WDR81: variants seen among roughly 807,000 people sequenced by gnomAD.
The protein encoded by WDR81 is WD repeat domain 81, also known as WD repeat-containing protein 81.
WDR81 carries 92 observed loss-of-function variants against 140.8 expected under a neutral mutation model. That is an observed-to-expected ratio of 0.65 (90% confidence interval 0.55 to 0.78). The LOEUF is 0.78. Among genes scored for constraint, WDR81 ranks in the 30% least tolerant of loss-of-function variants. WDR81 has a pLI of 0.00. For synonymous variants in WDR81, 1,183 were observed against 1,156.4 expected (o/e 1.02, Z -0.47); for missense variants, 2,502 against 2,636.4 (o/e 0.95, Z 1.12).
Position 1,725,118 on chromosome 17 carries a change from C to A in WDR81, c.159C>A (p.His53Gln). ...TGGCTCCGGCCCCGGGGGGCACCCACGTGGTGGCCCTAGTGCCTGCGCGCT... is the reference window on the plus strand; with the variant it reads ...TGGCTCCGGCCCCGGGGGGCACCCAAGTGGTGGCCCTAGTGCCTGCGCGCT... The part of the protein sequence containing the change: ...RQLAPAPGGT[H>Q]VVALVPARWL... Residue 53 changes from histidine to glutamine, a missense_variant, in exon 1 of 10, where the codon CAC (histidine) becomes CAA (glutamine). Around this residue, in one of 3 missense-constraint regions of WDR81, gnomAD observed 547 missense variants for 513.8 expected, o/e 1.06. Transcript: ENST00000409644. The A allele has an allele frequency of 6.6e-7, 1 of 1,519,478 alleles. No homozygotes were observed. Among genetic ancestry groups the A allele is most frequent in the Non-Finnish European group, 8.8e-7 (1 of 1,135,240 alleles). The allele number at this position is 1,519,478 out of a possible 1,614,324, so 94.1% of individuals were successfully genotyped here. A position where few individuals can be genotyped will look rare whatever the true frequency, so the allele number is the denominator to read the frequency against.
chr17:1,725,340 CG>C lies in WDR81; in HGVS notation c.384del (p.Ser129ProfsTer125). ...PLGGGLPFEDGSCGPETLTRF... is the reference protein window; with the variant it reads ...PLGGGLPFEDXSCGPETLTRF... ...TGGGCGGGGGCCTGCCCTTTGAGGA[CG>C]GGTCCTGCGGCCCTGAGACCCTCAC... On this transcript the variant is annotated frameshift_variant, in exon 1 of 10. Coordinates refer to ENST00000409644, the MANE Select transcript of WDR81 (RefSeq NM_001163809.2). LOFTEE classifies it high-confidence loss of function. 6.5e-7 allele frequency: 1 copy of C among 1,549,024 alleles called. No individual in the cohort carries two copies. The highest frequency in any genetic ancestry group is 8.7e-7 in the Non-Finnish European group (1 of 1,146,942).
At chr17:1,731,393 G>A in intron 4 of WDR81, 135 bp downstream of exon 4, 1 of 1,109,924 alleles carries the variant, frequency 9.0e-7, no homozygotes, top group Non-Finnish European at 1.3e-6. Flanking sequence ...CCGGCTGTGT[G>A]ACCCTGAGCA....
Position 1,732,339 on chromosome 17 carries a change from C to T in WDR81, c.4172C>T (p.Ala1391Val), listed in dbSNP as rs561882760. 42 of 1,613,254 alleles carry T rather than the reference C, an allele frequency of 2.6e-5. No individual in the cohort carries two copies. The South Asian group carries it at 4.4e-4, about 17-fold the overall frequency. The change falls in exon 5 of 10, where the codon GCC becomes GTC. Residue 1391 changes from alanine (A) to valine (V), a missense_variant. Ala to Val is a moderately conservative substitution (Grantham distance 64). Coordinates refer to ENST00000409644, the MANE Select transcript of WDR81 (RefSeq NM_001163809.2). ...TCTGTTTCCAGGTTCCCAAGTGGGG[C>T]CCAGGCTCGGACCATCCTGTGTGTG... ...TSLVTGFPSG[A>V]QARTILCVKT...
At chr17:1,716,795 C>G (rs753431054) in intron 1 of WDR81, 3 of 814,748 alleles carry the variant, frequency 3.7e-6, no homozygotes, top group Non-Finnish European at 5.8e-6. Context: ...AAAGGTGGAG[C>G]GGACCAAGGA....
In WDR81 at chr17:1,730,739, G is replaced by C. The variant is rs1915637536; in HGVS notation, c.3776-16G>C. On this transcript the variant is annotated splice_polypyrimidine_tract_variant and intron_variant, in intron 2 of 9. Coordinates refer to ENST00000409644, the MANE Select transcript of WDR81 (RefSeq NM_001163809.2). ...CCTCCACTGGCGACTCAGGGCTGCT[G>C]GCCCTTCCGTGGCAGGACCCACTCG... The C allele has an allele frequency of 6.3e-7, 1 of 1,599,076 alleles. No homozygotes were observed. Among genetic ancestry groups the C allele is most frequent in the Non-Finnish European group, 8.5e-7 (1 of 1,172,178 alleles).
Position 1,728,470 on chromosome 17 carries a change from G to C in WDR81, c.3511G>C (p.Glu1171Gln). The C allele has an allele frequency of 6.2e-7, 1 of 1,608,672 alleles. No individual in the cohort carries two copies. The highest frequency in any genetic ancestry group is 1.1e-5 in the South Asian group (1 of 90,628). The change falls in exon 1 of 10, where the codon GAG becomes CAG. Residue 1171 changes from glutamate (E) to glutamine (Q), a missense_variant. Physicochemically the swap from Glu to Gln is conservative, Grantham distance 29. Transcript: ENST00000409644. ...CGTGGTGCTAGAGGAGGAGGAGGGG[G>C]AGCAGGAGGAGGTCACCGGGGCATC... ...SCVVLEEEEG[E>Q]QEEVTGASEL...
intron 1 of WDR81, chr17:1,716,799 C>T: frequency 2.5e-6 from 2 of 792,972 alleles, no homozygotes; most frequent in Non-Finnish European, 4.0e-6. Context: ...GTGGAGCGGA[C>T]CAAGGAGCAG....
upstream of WDR81, among the ~76,000 whole-genome samples, chr17:1,721,029 C>G (rs1914835683): frequency 6.6e-6 from 1 of 152,174 alleles, no homozygotes; most frequent in African/African-American, 2.4e-5. Context: ...CCTGCTCAAT[C>G]TAGGTAAACT....
upstream of WDR81, among the ~76,000 whole-genome samples, chr17:1,722,781 C>T (rs1212059062): frequency 1.3e-5 from 2 of 151,204 alleles, no homozygotes; most frequent in African/African-American, 4.9e-5. Flanking sequence ...CAACCTCCGC[C>T]TCCCAGGTTC....
chr17:1,730,925 C>T lies in WDR81; in HGVS notation c.3946C>T (p.Leu1316=), dbSNP rs1356643111. 3.1e-6 allele frequency: 5 copies of T among 1,613,290 alleles called. No individual in the cohort carries two copies. Among genetic ancestry groups the T allele is most frequent in the East Asian group, 2.2e-5 (1 of 44,882 alleles). The change falls in exon 3 of 10, where the codon CTG becomes TTG. Residue 1316 remains leucine (L), a synonymous_variant. Coordinates refer to ENST00000409644, the MANE Select transcript of WDR81 (RefSeq NM_001163809.2). ...YGEPVLTYQY[L]PYISYLVAPG... ...GGAGCCTGTCCTCACCTACCAGTAC[C>T]TGCCCTACATCAGCTACCTGGTCAG...
chr17:1,716,780 T>C, intron 1 of WDR81: 1 of 905,334 alleles, frequency 1.1e-6, no homozygotes, highest in Non-Finnish European at 1.7e-6. Flanking sequence ...TATAGCTCTT[T>C]AAGGAAAGGT....
chr17:1,725,434 G>C lies in WDR81; in HGVS notation c.475G>C (p.Gly159Arg). 3.2e-6 allele frequency: 5 copies of C among 1,549,450 alleles called. No individual in the cohort carries two copies. Among genetic ancestry groups the C allele is most frequent in the Non-Finnish European group, 4.4e-6 (5 of 1,146,990 alleles). The part of the protein sequence containing the change: ...NLWRHAYHTY[G>R]QPYSHSPAPS... ...GTGGCGCCATGCATACCACACTTACGGCCAGCCGTACAGTCACAGCCCTGC... is the reference window on the plus strand; with the variant it reads ...GTGGCGCCATGCATACCACACTTACCGCCAGCCGTACAGTCACAGCCCTGC... Residue 159 changes from glycine to arginine, a missense_variant, in exon 1 of 10, where the codon GGC (glycine) becomes CGC (arginine). By Grantham distance (125) the Gly-to-Arg change is moderately radical (BLOSUM62 -2). Around this residue, in one of 3 missense-constraint regions of WDR81, gnomAD observed 547 missense variants for 513.8 expected, o/e 1.06. Coordinates refer to ENST00000409644, the MANE Select transcript of WDR81 (RefSeq NM_001163809.2).
chr17:1,729,486 GA>G lies in WDR81; in HGVS notation c.3667+870del, dbSNP rs149195078. The stretch of plus-strand genomic sequence containing the variant: ...CAGAGCGGGACTCCGTCTCAAAAAA[GA>G]AAAAAAAAATGGTGCTTTTACATCT... On this transcript the variant is annotated intron_variant, in intron 1 of 9. Coordinates refer to ENST00000409644, the MANE Select transcript of WDR81 (RefSeq NM_001163809.2). Among the ~76,000 whole-genome samples the G allele has an allele frequency of 1.1e-3, 165 of 147,356 alleles. 1 individual carries two copies. The highest frequency in any genetic ancestry group is 3.6e-3 in the African/African-American group (147 of 40,302).
At chr17:1,733,036 A>C in intron 6 of WDR81, 1 of 630,478 alleles carries the variant, frequency 1.6e-6, no homozygotes, top group South Asian at 2.4e-5. Flanking sequence ...AGAGGCCCAG[A>C]AGCTGGCCTG....
At position 1,726,532 on chromosome 17, in the gene WDR81, G is replaced by T. The variant is rs771173432; in HGVS notation, c.1573G>T (p.Val525Leu). The part of the protein sequence containing the change: ...PAWCSSSQEF[V>L]AAHRALLESR... ...CTGGTGCAGCTCCAGCCAGGAGTTC[G>T]TAGCTGCCCACCGAGCCCTGCTGGA... The change falls in exon 1 of 10, where the codon GTA (valine) becomes TTA (leucine). Residue 525 changes from valine (V) to leucine (L), a missense_variant. Val to Leu is a conservative substitution (Grantham distance 32). Around this residue, in one of 3 missense-constraint regions of WDR81, gnomAD observed 218 missense variants for 279.6 expected, o/e 0.78. Coordinates refer to ENST00000409644, the MANE Select transcript of WDR81 (RefSeq NM_001163809.2). The T allele has an allele frequency of 1.0e-5, 16 of 1,550,350 alleles. No homozygotes were observed. The highest frequency in any genetic ancestry group is 1.4e-5 in the Non-Finnish European group (16 of 1,146,986).
In WDR81 at chr17:1,726,562, C is replaced by G; in HGVS notation, c.1603C>G (p.Arg535Gly). 1.3e-6 allele frequency: 2 copies of G among 1,550,356 alleles called. No homozygotes were observed. Among genetic ancestry groups the G allele is most frequent in the Non-Finnish European group, 1.7e-6 (2 of 1,146,992 alleles). ...VAAHRALLES[R>G]EVSRDLHHWI... Reference sequence around the variant, plus strand: ...TGCCCACCGAGCCCTGCTGGAGAGCCGCGAGGTATCCCGGGACCTGCACCA... The same window carrying G: ...TGCCCACCGAGCCCTGCTGGAGAGCGGCGAGGTATCCCGGGACCTGCACCA... Residue 535 changes from arginine to glycine, a missense_variant, in exon 1 of 10, where the codon CGC (arginine) becomes GGC (glycine). Transcript: ENST00000409644.
chr17:1,727,394 A>G lies in WDR81; in HGVS notation c.2435A>G (p.Lys812Arg). The change falls in exon 1 of 10, where the codon AAG becomes AGG. Residue 812 changes from lysine (K) to arginine (R), a missense_variant. Transcript: ENST00000409644. ...CGAGGGCTCTGCACGCGCCACCCCAAGGAGGTCCCTGTGTCTTTGCAGCCC... is the reference window on the plus strand; with the variant it reads ...CGAGGGCTCTGCACGCGCCACCCCAGGGAGGTCCCTGTGTCTTTGCAGCCC... ...AVRGLCTRHPKEVPVSLQPVL... is the reference protein window; with the variant it reads ...AVRGLCTRHPREVPVSLQPVL... 1.9e-6 allele frequency: 3 copies of G among 1,550,292 alleles called. No individual in the cohort carries two copies. The highest frequency in any genetic ancestry group is 1.2e-5 in the South Asian group (1 of 84,068).
At chr17:1,718,169 G>A (rs1187983015) in intron 1 of WDR81, among the ~76,000 whole-genome samples, 2 of 151,802 alleles carry the variant, frequency 1.3e-5, no homozygotes, top group Non-Finnish European at 2.9e-5. Flanking sequence ...CCAGGCTGGA[G>A]TGCAGTGGCG....
upstream of WDR81, among the ~76,000 whole-genome samples, chr17:1,720,593 AT>A (rs1393856771): frequency 1.3e-5 from 2 of 152,066 alleles, no homozygotes; most frequent in African/African-American, 4.8e-5. Flanking sequence ...CCTGGCCAAC[AT>A]GGTGAAACCC....
Sources: gnomAD v4.1 joint callset for allele counts (sites outside exome capture counted in the v4.1 genomes callset) on GRCh38, gnomAD v4.1.1 for gene constraint, gnomAD v4.1.1 regional missense constraint, MANE v1.5 for transcripts, NCBI Gene and HGNC (gene_info 2026-07-23, HGNC 2026-07-21) for gene names.